The following TNRC18 variants were observed in gnomAD, a reference collection of about 807,000 sequenced individuals.
TNRC18 encodes trinucleotide repeat containing 18, also known as trinucleotide repeat-containing gene 18 protein.
Under a neutral mutation model 226.7 loss-of-function variants are expected in TNRC18, and 69 were observed. The ratio of observed to expected loss-of-function variants is 0.30; its 90% CI spans 0.25 to 0.37. The LOEUF is 0.37. TNRC18 is among the 10% of genes least tolerant of loss of function. The pLI is 1.00. For synonymous variants in TNRC18, 2,449 were observed against 1,927.6 expected (o/e 1.27, Z -7.09); for missense variants, 4,754 against 4,256.6 (o/e 1.12, Z -3.25).
chr7:5,311,594 A>T (rs1367021224), intron 27 of TNRC18, among the ~76,000 whole-genome samples: 1 of 152,068 alleles, frequency 6.6e-6, no homozygotes, highest in Non-Finnish European at 1.5e-5. Context: ...CGGGAGGATC[A>T]CTTGAGCCCA....
At chr7:5,317,169 T>G (rs1365400201) in intron 24 of TNRC18, among the ~76,000 whole-genome samples, 1 of 151,840 alleles carries the variant, frequency 6.6e-6, no homozygotes, top group Non-Finnish European at 1.5e-5. Flanking sequence ...TGCACAGAGC[T>G]CCCATCGGCT....
intron 24 of TNRC18, among the ~76,000 whole-genome samples, chr7:5,319,061 G>C (rs1788101300): frequency 6.6e-6 from 1 of 152,210 alleles, no homozygotes; most frequent in Non-Finnish European, 1.5e-5. Context: ...CCATGAGGCA[G>C]GCCTAGAACA....
In TNRC18 at chr7:5,375,342, A is replaced by G. The variant is rs558011966; in HGVS notation, c.2799+692T>C. On this transcript the variant is annotated intron_variant, in intron 9 of 29. Transcript: ENST00000430969. ...AACAAAAACAAACAAACAAACAAAC[A>G]CCAGAACAAAGCGCTCCAAGGACAG... Among the ~76,000 whole-genome samples, 18 of 151,482 alleles carry G rather than the reference A, an allele frequency of 1.2e-4. 1 individual carries two copies. In the South Asian group the frequency reaches 3.4e-3, roughly 28 times the overall value.
chr7:5,388,639 G>A lies in TNRC18; in HGVS notation c.1185C>T (p.Arg395=), dbSNP rs1415121263. The A allele has an allele frequency of 3.9e-6, 5 of 1,276,472 alleles. No homozygotes were observed. The highest frequency in any genetic ancestry group is 2.0e-5 in the South Asian group (1 of 49,556). 79.1% of individuals were successfully genotyped at this position (1,276,472 alleles called of 1,614,324 possible). Residue 395 remains arginine (R), a synonymous_variant, in exon 5 of 30, where the codon CGC becomes CGT. Coordinates refer to ENST00000430969, the MANE Select transcript of TNRC18 (RefSeq NM_001080495.3). ...CCTCGCGCTCGCGGGCCCGGGCATC[G>A]CGCGCCTGGGATGCGATCTGGATGG... is the stretch of plus-strand genomic sequence containing the variant. The part of the protein sequence containing the change: ...PGPIQIASQA[R]DARAREREAG...
chr7:5,388,233 G>C lies in TNRC18; in HGVS notation c.1591C>G (p.His531Asp), dbSNP rs766826196. The stretch of plus-strand genomic sequence containing the variant: ...GCCTCCTCTTCGGCGCGGCTGTGGT[G>C]GTGCTGCGCGGCCAGCACGGCCATC... ...TQMAVLAAQH[H>D]HSRAEEEAAV... The change falls in exon 5 of 30, where the codon CAC (histidine) becomes GAC (aspartate). Residue 531 changes from histidine (H) to aspartate (D), a missense_variant. His to Asp is a moderately conservative substitution (Grantham distance 81). Transcript: ENST00000430969. 1 of 1,605,082 alleles carries C rather than the reference G, an allele frequency of 6.2e-7. No homozygotes were observed. Among genetic ancestry groups the C allele is most frequent in the South Asian group, 1.1e-5 (1 of 89,928 alleles).
At chr7:5,322,540 C>T (rs1297845510) in intron 21 of TNRC18, among the ~76,000 whole-genome samples, 2 of 152,226 alleles carry the variant, frequency 1.3e-5, no homozygotes, top group African/African-American at 4.8e-5. Context: ...GATCCTCCCA[C>T]CTCGGCCCCC....
At position 5,332,507 on chromosome 7, in the gene TNRC18, G is replaced by A. The variant is rs1028743138; in HGVS notation, c.6147+115C>T. ...AGGGGCTCCGGGCGGGCCTGGAGCC[G>A]AGTACATGGTTATTAACAGTGAAGC... is the stretch of plus-strand genomic sequence containing the variant. On this transcript the variant is annotated intron_variant, in intron 19 of 29. Transcript: ENST00000430969. 1.2e-5 allele frequency: 14 copies of A among 1,208,192 alleles called. No homozygotes were observed. In the South Asian group the frequency reaches 1.7e-4, roughly 14 times the overall value. 74.8% of individuals were successfully genotyped at this position (1,208,192 alleles called of 1,614,324 possible). A position where few individuals can be genotyped will look rare whatever the true frequency, so the allele number is the denominator to read the frequency against.
chr7:5,359,932 G>A (rs1199351882), intron 14 of TNRC18, among the ~76,000 whole-genome samples: 2 of 152,074 alleles, frequency 1.3e-5, no homozygotes, highest in Non-Finnish European at 2.9e-5. Context: ...ATGGCAGGGG[G>A]AGTTCAGAAC....
chr7:5,339,541 A>ATGTGTGTGTGTG (rs71536907), intron 18 of TNRC18, among the ~76,000 whole-genome samples: 114 of 137,154 alleles, frequency 8.3e-4, no homozygotes, highest in Admixed American at 2.9e-3. Context: ...TGCCCAGCCA[A>ATGTGTGTGTGTG]TGTGTGTGTG....
Position 5,394,371 on chromosome 7 carries a change from A to G in TNRC18, c.343+69T>C, listed in dbSNP as rs1780510778. 8 of 1,409,190 alleles carry G rather than the reference A, an allele frequency of 5.7e-6. No individual in the cohort carries two copies. Among genetic ancestry groups the G allele is most frequent in the African/African-American group, 3.0e-5 (2 of 67,510 alleles). 87.3% of individuals were successfully genotyped at this position (1,409,190 alleles called of 1,614,324 possible). ...CTCAGCGATGACAACAGAGGGGCAC[A>G]TGAAGTGGCCAGAGTGGCTGGGACG... On this transcript the variant is annotated intron_variant, in intron 3 of 29. Coordinates refer to ENST00000430969, the MANE Select transcript of TNRC18 (RefSeq NM_001080495.3). The surrounding 1 kb of genome is among the most constrained non-coding windows in gnomAD (Gnocchi z 4.5).
At position 5,352,104 on chromosome 7, in the gene TNRC18, A is replaced by T; in HGVS notation, c.5195-10T>A. On this transcript the variant is annotated splice_polypyrimidine_tract_variant and intron_variant, in intron 16 of 29. Coordinates refer to ENST00000430969, the MANE Select transcript of TNRC18 (RefSeq NM_001080495.3). Reference sequence around the variant, plus strand: ...TCCTCTGAGTCCGTATCTGCAGTCAAAGTAGTTTTTAATAGAGATAAGTCA... The same window carrying T: ...TCCTCTGAGTCCGTATCTGCAGTCATAGTAGTTTTTAATAGAGATAAGTCA... 1 of 1,591,214 alleles carries T rather than the reference A, an allele frequency of 6.3e-7. No individual in the cohort carries two copies. Among genetic ancestry groups the T allele is most frequent in the Non-Finnish European group, 8.6e-7 (1 of 1,167,988 alleles).
At chr7:5,411,515 CAAA>C (rs764197407) in intron 2 of TNRC18, among the ~76,000 whole-genome samples, 68 of 65,462 alleles carry the variant, frequency 1.0e-3, no homozygotes, top group African/African-American at 3.8e-3. Context: ...AAGACTCTGT[CAAA>C]AAAAAAAAAA....
At chr7:5,414,652 T>C (rs1782058351) in intron 2 of TNRC18, among the ~76,000 whole-genome samples, 1 of 152,180 alleles carries the variant, frequency 6.6e-6, no homozygotes, top group Admixed American at 6.6e-5. Context: ...GACCTCGTGA[T>C]CCACCCGCCT....
intron 25 of TNRC18, among the ~76,000 whole-genome samples, chr7:5,315,643 C>T (rs1787776648): frequency 1.3e-5 from 2 of 152,284 alleles, no homozygotes; most frequent in African/African-American, 2.4e-5. Flanking sequence ...GGGATGGTCT[C>T]GATCTCTTGA....
chr7:5,309,409 C>G lies in TNRC18; in HGVS notation c.8389-41G>C. 1.3e-6 allele frequency: 2 copies of G among 1,536,538 alleles called. No homozygotes were observed. Among genetic ancestry groups the G allele is most frequent in the Non-Finnish European group, 1.8e-6 (2 of 1,136,242 alleles). On this transcript the variant is annotated intron_variant, in intron 27 of 29. Transcript: ENST00000430969. The surrounding 1 kb of genome is among the most constrained non-coding windows in gnomAD (Gnocchi z 5.7). ...TGTCACGGCACAGGCCCTGGCCCAG[C>G]CCCAAGGAGCCCGCCGCCTGGCAGG... is the stretch of plus-strand genomic sequence containing the variant.
At position 5,371,058 on chromosome 7, in the gene TNRC18, A is replaced by C; in HGVS notation, c.3536T>G (p.Leu1179Arg). ...PTELPPLESP[L>R]PLPAAEAMAT... ...CATGGCTTCCGCGGCGGGCAGTGGCAGCGGCGACTCCAGAGGCGGCAGCTC... is the reference window on the plus strand; with the variant it reads ...CATGGCTTCCGCGGCGGGCAGTGGCCGCGGCGACTCCAGAGGCGGCAGCTC... Residue 1179 changes from leucine (L) to arginine (R), a missense_variant, in exon 11 of 30, where the codon CTG becomes CGG. Physicochemically the swap from Leu to Arg is moderately radical, Grantham distance 102 (BLOSUM62 -2). Coordinates refer to ENST00000430969, the MANE Select transcript of TNRC18 (RefSeq NM_001080495.3). 3.1e-6 allele frequency: 5 copies of C among 1,611,022 alleles called. No homozygotes were observed. The highest frequency in any genetic ancestry group is 2.5e-6 in the Non-Finnish European group (3 of 1,179,654).
rs547876680 is a variant in TNRC18 at position 5,362,853 on chromosome 7, G to GC, written c.4220-29dup. ...GTGGACAGGAGGTAGGTAACAGGGCGCTGCTGCCACCCCTTCCCCAACCCC... is the reference window on the plus strand; with the variant it reads ...GTGGACAGGAGGTAGGTAACAGGGCGCCTGCTGCCACCCCTTCCCCAACCCC... On this transcript the variant is annotated intron_variant, in intron 11 of 29. Coordinates refer to ENST00000430969, the MANE Select transcript of TNRC18 (RefSeq NM_001080495.3). 8.5e-5 allele frequency: 126 copies of GC among 1,475,704 alleles called. No individual in the cohort carries two copies. In the African/African-American group the frequency reaches 1.6e-3, roughly 19 times the overall value. 91.4% of individuals were successfully genotyped at this position (1,475,704 alleles called of 1,614,324 possible). A position where few individuals can be genotyped will look rare whatever the true frequency, so the allele number is the denominator to read the frequency against.
intron 2 of TNRC18, among the ~76,000 whole-genome samples, chr7:5,415,502 C>A (rs930608625): frequency 6.6e-6 from 1 of 150,964 alleles, no homozygotes; most frequent in Non-Finnish European, 1.5e-5. Context: ...TCAGCCTCCC[C>A]GAGTAGCTGG....
intron 18 of TNRC18, among the ~76,000 whole-genome samples, chr7:5,341,656 C>A (rs1030629556): frequency 6.7e-6 from 1 of 149,518 alleles, no homozygotes; most frequent in Non-Finnish European, 1.5e-5. Context: ...CCCAGCTACT[C>A]GGGAGGCTGA....
Sources: allele counts gnomAD v4.1 joint callset (sites outside exome capture counted in the v4.1 genomes callset), GRCh38; gene constraint gnomAD v4.1.1; non-coding constraint Gnocchi (gnomAD v3.1); transcripts MANE v1.5; gene names NCBI Gene and HGNC (gene_info 2026-07-23, HGNC 2026-07-21).